Variants in FRMPD4 observed in about 807,000 individuals in gnomAD.
FRMPD4 encodes FERM and PDZ domain-containing protein 4.
In FRMPD4, 22 loss-of-function variants were observed where a neutral mutation model predicts 94.1. That is an observed-to-expected ratio of 0.23 (90% CI 0.17 to 0.33). The LOEUF (loss-of-function observed/expected upper bound fraction) is 0.33. FRMPD4 is among the 10% of genes least tolerant of loss of function. The pLI, the probability that FRMPD4 is intolerant of heterozygous loss-of-function variation, is 1.00. For synonymous variants in FRMPD4, 631 were observed against 548.6 expected (o/e 1.15, Z -2.10); for missense variants, 1,111 against 1,339.9 (o/e 0.83, Z 2.67).
chrX:11,977,020 A>T (rs1306546662), intron 3 of FRMPD4, among the ~76,000 whole-genome samples: 1 of 111,739 alleles, frequency 8.9e-6, no homozygotes, highest in Admixed American at 9.5e-5. Context: ...TTAAAGTATA[A>T]TTTCTGCTTC....
intron 3 of FRMPD4, among the ~76,000 whole-genome samples, chrX:12,014,722 T>C (rs2054597105): frequency 9.0e-6 from 1 of 111,611 alleles, no homozygotes; most frequent in South Asian, 3.8e-4. Flanking sequence ...TGTGTGTGTT[T>C]AGGGAATTTG....
chrX:12,613,849 C>T (rs898729995), intron 3 of FRMPD4, among the ~76,000 whole-genome samples: 1 of 112,104 alleles, frequency 8.9e-6, no homozygotes, highest in South Asian at 3.7e-4. Flanking sequence ...TGGTGGCGGG[C>T]GCCTGTAGTC....
chrX:12,159,534 T>A (rs1443910496), intron 1 of FRMPD4, among the ~76,000 whole-genome samples: 2 of 112,211 alleles, frequency 1.8e-5, no homozygotes, highest in African/African-American at 6.5e-5. Flanking sequence ...ATTGCCGTTT[T>A]ACTATGACAG....
intron 2 of FRMPD4, among the ~76,000 whole-genome samples, chrX:12,547,165 C>T (rs1169145514): frequency 9.0e-6 from 1 of 110,758 alleles, no homozygotes; most frequent in Admixed American, 9.7e-5. Context: ...GTACCCTTCA[C>T]TAATTAAGTC....
At chrX:12,596,191 G>A (rs1053948004) in intron 2 of FRMPD4, among the ~76,000 whole-genome samples, 6 of 111,253 alleles carry the variant, frequency 5.4e-5, no homozygotes, top group African/African-American at 2.0e-4. Context: ...TTTTCCAAGT[G>A]TGATCCTGAA....
chrX:12,688,437 A>C lies in FRMPD4; in HGVS notation c.682-1758A>C, dbSNP rs780515829. Among the ~76,000 whole-genome samples the C allele has an allele frequency of 2.7e-5, 3 of 112,643 alleles. No homozygotes were observed. The South Asian group carries it at 1.1e-3, about 41-fold the overall frequency. Reference sequence around the variant, plus strand: ...GATGACAATGAGAAGACAGGAAGAAATGCAAAGAGTTCACATCAAATTCAA... The same window carrying C: ...GATGACAATGAGAAGACAGGAAGAACTGCAAAGAGTTCACATCAAATTCAA... On this transcript the variant is annotated intron_variant, in intron 7 of 16. Transcript: ENST00000675598.
chrX:12,137,436 G>A (rs1468500232), upstream of FRMPD4, among the ~76,000 whole-genome samples: 1 of 112,475 alleles, frequency 8.9e-6, no homozygotes, highest in Non-Finnish European at 1.9e-5. Flanking sequence ...CGGAGAGCTA[G>A]ACTGGAACAC....
chrX:11,949,653 C>G (rs1040833059), intron 3 of FRMPD4, among the ~76,000 whole-genome samples: 4 of 111,238 alleles, frequency 3.6e-5, no homozygotes, highest in African/African-American at 1.3e-4. Context: ...TTTCTCCTAT[C>G]TGGAATGTCT....
intron 16 of FRMPD4, among the ~76,000 whole-genome samples, chrX:12,719,899 T>C (rs2042186290): frequency 9.0e-6 from 1 of 110,760 alleles, no homozygotes; most frequent in African/African-American, 3.3e-5. Context: ...CTTCAGACTT[T>C]TACCAGGCAA....
chrX:12,451,185 C>T (rs2057265815), intron 1 of FRMPD4, among the ~76,000 whole-genome samples: 1 of 111,441 alleles, frequency 9.0e-6, no homozygotes, highest in Non-Finnish European at 1.9e-5. Context: ...CAAGTCTTTG[C>T]TCGGATTCCC....
chrX:11,978,887 C>A (rs2054382373), intron 3 of FRMPD4, among the ~76,000 whole-genome samples: 1 of 111,720 alleles, frequency 9.0e-6, no homozygotes, highest in Non-Finnish European at 1.9e-5. Flanking sequence ...CTGCCCCCAA[C>A]AACTCACACT....
At chrX:12,405,024 C>G (rs2056651389) in intron 1 of FRMPD4, among the ~76,000 whole-genome samples, 1 of 111,306 alleles carries the variant, frequency 9.0e-6, no homozygotes, top group African/African-American at 3.3e-5. Context: ...AATTAGCATC[C>G]CTTGGGGATT....
intron 1 of FRMPD4, among the ~76,000 whole-genome samples, chrX:12,359,335 T>C (rs775164098): frequency 1.8e-5 from 2 of 112,361 alleles, no homozygotes; most frequent in Non-Finnish European, 3.8e-5. Flanking sequence ...TAAATATTAC[T>C]CTCAACTTAA....
At chrX:12,060,493 AAAG>A (rs973845632) in intron 3 of FRMPD4, among the ~76,000 whole-genome samples, 2 of 109,479 alleles carry the variant, frequency 1.8e-5, no homozygotes, top group Non-Finnish European at 3.8e-5. Flanking sequence ...CAATACTGTG[AAAG>A]AAGCCCCAAC....
intron 2 of FRMPD4, among the ~76,000 whole-genome samples, chrX:12,581,369 T>C (rs1454426973): frequency 8.9e-6 from 1 of 111,744 alleles, no homozygotes; most frequent in Non-Finnish European, 1.9e-5. Flanking sequence ...ACCTAAAATA[T>C]ATGTGTAATA....
At chrX:11,916,207 C>T (rs1406397658) in intron 3 of FRMPD4, among the ~76,000 whole-genome samples, 1 of 111,206 alleles carries the variant, frequency 9.0e-6, no homozygotes, top group Non-Finnish European at 1.9e-5. Context: ...TGGGCAATGG[C>T]AAATCACCCC....
At chrX:11,842,291 A>G (rs1318419469) in intron 1 of FRMPD4, among the ~76,000 whole-genome samples, 1 of 101,137 alleles carries the variant, frequency 9.9e-6, no homozygotes, top group East Asian at 3.4e-4. Flanking sequence ...GACGAAAGTC[A>G]TTGGTAGCTT....
Position 12,332,124 on chromosome X carries a change from TTTATATA to T in FRMPD4, c.42-166547_42-166541del, listed in dbSNP as rs1455340862. 8.8e-4 allele frequency among the ~76,000 whole-genome samples: 60 copies of T among 68,010 alleles called. 3 individuals carry two copies. In the East Asian group the frequency reaches 0.018, roughly 20 times the overall value. 59.1% of individuals were successfully genotyped at this position (68,010 alleles called of 115,157 possible). A position where few individuals can be genotyped will look rare whatever the true frequency, so the allele number is the denominator to read the frequency against. On this transcript the variant is annotated intron_variant, in intron 1 of 16. Coordinates refer to ENST00000675598, the MANE Select transcript of FRMPD4 (RefSeq NM_001368397.1). Reference sequence around the variant, plus strand: ...AATTTATATTATATATAATTTATATTTTATATATTATATATAATTTATATTTTATATA... The same window carrying T: ...AATTTATATTATATATAATTTATATTTTATATATAATTTATATTTTATATA...
At position 12,716,242 on chromosome X, in the gene FRMPD4, T is replaced by A. The variant is rs778446271; in HGVS notation, c.1783T>A (p.Leu595Met). Residue 595 changes from leucine to methionine, a missense_variant, in exon 15 of 17, where the codon TTG (leucine) becomes ATG (methionine). Around this residue, in one of 8 missense-constraint regions of FRMPD4, gnomAD observed 192 missense variants for 192.5 expected, o/e 1.00. Transcript: ENST00000675598. ...CATGTGTCCAAAAGAGCACCGGCAC[T>A]TGTACATAGACAATGCCTATAGTTC... ...STMCPKEHRH[L>M]YIDNAYSSDG... 8.3e-7 allele frequency: 1 copy of A among 1,210,750 alleles called. No individual in the cohort carries two copies. Among genetic ancestry groups the A allele is most frequent in the Non-Finnish European group, 1.1e-6 (1 of 894,705 alleles).
Sources: allele counts gnomAD v4.1 joint callset (sites outside exome capture counted in the v4.1 genomes callset), GRCh38; gene constraint gnomAD v4.1.1; regional missense constraint gnomAD v4.1.1; transcripts MANE v1.5; gene names NCBI Gene and HGNC (gene_info 2026-07-23, HGNC 2026-07-21).